PDE1C: variants seen among roughly 807,000 people sequenced by gnomAD.
The protein encoded by PDE1C is phosphodiesterase 1C.
In PDE1C, 62 loss-of-function variants were observed where a neutral mutation model predicts 93.1. That is an observed-to-expected ratio of 0.67 (90% CI 0.54 to 0.82). The LOEUF (loss-of-function observed/expected upper bound fraction) is 0.82. PDE1C is among the 40% of genes least tolerant of loss of function. PDE1C has a pLI of 0.00. For synonymous variants in PDE1C, 325 were observed against 310.1 expected (o/e 1.05, Z -0.50); for missense variants, 742 against 884.6 (o/e 0.84, Z 2.04).
intron 2 of PDE1C, among the ~76,000 whole-genome samples, chr7:31,963,340 G>GTTTA (rs919574886): frequency 6.6e-6 from 1 of 152,098 alleles, no homozygotes; most frequent in African/African-American, 2.4e-5. Context: ...CTGCTTGTTT[G>GTTTA]TTTATATACT....
At chr7:32,425,865 C>T (rs934558383) in intron 1 of PDE1C, among the ~76,000 whole-genome samples, 2 of 152,044 alleles carry the variant, frequency 1.3e-5, no homozygotes, top group African/African-American at 4.8e-5. Context: ...TGCTTGAGCC[C>T]AGGAGGTTGA....
At chr7:31,698,034 G>A in the PDE1C span, among the ~76,000 whole-genome samples, 1 of 152,190 alleles carries the variant, frequency 6.6e-6, no homozygotes, top group Admixed American at 6.5e-5. Flanking sequence ...ACACTAAAAT[G>A]TGGCAGAATT....
chr7:32,152,975 A>G (rs894927041), intron 3 of PDE1C, among the ~76,000 whole-genome samples: 4 of 152,212 alleles, frequency 2.6e-5, no homozygotes, highest in African/African-American at 9.7e-5. Context: ...AGCAGTCTAC[A>G]GGGCATGCAT....
rs146466229 is a variant in PDE1C at position 32,043,428 on chromosome 7, T to C, written c.128+8126A>G. 1.5e-4 allele frequency among the ~76,000 whole-genome samples: 23 copies of C among 152,314 alleles called. No individual in the cohort carries two copies. In the East Asian group the frequency reaches 4.4e-3, roughly 29 times the overall value. ...GGACATAACTTTTGAAGCACCCTGA[T>C]ATGCCTGGGCATAAGTGCTATTGAC... On this transcript the variant is annotated intron_variant, in intron 2 of 17. Transcript: ENST00000396191.
At chr7:31,903,166 G>A (rs1800190840) in intron 2 of PDE1C, among the ~76,000 whole-genome samples, 1 of 151,740 alleles carries the variant, frequency 6.6e-6, no homozygotes, top group Non-Finnish European at 1.5e-5. Flanking sequence ...TATTTCTAAT[G>A]AAAATATTAA....
At chr7:31,796,426 T>C (rs981289487) in intron 16 of PDE1C, among the ~76,000 whole-genome samples, 1 of 151,656 alleles carries the variant, frequency 6.6e-6, no homozygotes, top group African/African-American at 2.4e-5. Context: ...TGTTCCTTTA[T>C]AATTCCTTTA....
chr7:31,947,304 G>A (rs1009042557), intron 2 of PDE1C, among the ~76,000 whole-genome samples: 4 of 152,150 alleles, frequency 2.6e-5, no homozygotes, highest in African/African-American at 9.7e-5. Flanking sequence ...TGACTTAAAT[G>A]TTAATCTCAT....
intron 2 of PDE1C, among the ~76,000 whole-genome samples, chr7:32,024,101 A>G (rs567420628): frequency 1.2e-4 from 18 of 152,244 alleles, no homozygotes; most frequent in African/African-American, 4.3e-4. Context: ...GTCAATTTAT[A>G]TCAGGATGTG....
rs78413653 is a variant in PDE1C, at chr7:31,759,035, CA to C, written c.1961-5483del. 0.018 allele frequency among the ~76,000 whole-genome samples: 2,776 copies of C among 152,284 alleles called. 122 individuals carry two copies. The East Asian group carries it at 0.19, about 10-fold the overall frequency. On this transcript the variant is annotated intron_variant, in intron 17 of 17. Transcript: ENST00000396191. ...CAAAACCTCTCCTTGCCACTGGAGT[CA>C]CTGCAAATAGAGTTGAACCTGCTGA...
intron 11 of PDE1C, among the ~76,000 whole-genome samples, chr7:31,835,542 G>GTGTGTA (rs1167587948): frequency 6.6e-6 from 1 of 152,000 alleles, no homozygotes; most frequent in African/African-American, 2.4e-5. Flanking sequence ...GTGTGTGTGT[G>GTGTGTA]TGTGTGTGTG....
At chr7:31,999,132 G>A (rs902890710) in intron 2 of PDE1C, among the ~76,000 whole-genome samples, 3 of 152,138 alleles carry the variant, frequency 2.0e-5, no homozygotes, top group Non-Finnish European at 4.4e-5. Context: ...TGCTCACTGT[G>A]TACCGGGCAC....
intron 17 of PDE1C, among the ~76,000 whole-genome samples, chr7:31,771,208 C>G (rs1795468820): frequency 6.6e-6 from 1 of 152,220 alleles, no homozygotes; most frequent in South Asian, 2.1e-4. Context: ...GTGGTACACT[C>G]TGCTACTGGC....
At chr7:31,648,608 C>T in the PDE1C span, among the ~76,000 whole-genome samples, 1 of 152,132 alleles carries the variant, frequency 6.6e-6, no homozygotes, top group Admixed American at 6.5e-5. Context: ...AAGGCTACCC[C>T]AAAATAACTA....
At chr7:31,722,339 T>G in the PDE1C span, among the ~76,000 whole-genome samples, 2 of 152,134 alleles carry the variant, frequency 1.3e-5, no homozygotes, top group Non-Finnish European at 2.9e-5. Flanking sequence ...AGTTCTATGT[T>G]CTCCTGATAT....
At chr7:31,934,763 A>C (rs759080181) in intron 2 of PDE1C, among the ~76,000 whole-genome samples, 1 of 152,176 alleles carries the variant, frequency 6.6e-6, no homozygotes, top group Non-Finnish European at 1.5e-5. Context: ...ACTCAAGGTC[A>C]GTTGGAGCAC....
At chr7:32,139,135 A>G (rs928614049) in intron 3 of PDE1C, among the ~76,000 whole-genome samples, 6 of 151,934 alleles carry the variant, frequency 3.9e-5, no homozygotes, top group Non-Finnish European at 7.4e-5. Context: ...AAGAGGGAGT[A>G]ATCAATCTTT....
At chr7:32,036,806 T>G (rs1791159323) in intron 2 of PDE1C, among the ~76,000 whole-genome samples, 1 of 152,140 alleles carries the variant, frequency 6.6e-6, no homozygotes, top group South Asian at 2.1e-4. Flanking sequence ...GTTATCCACA[T>G]GTAGCTCCAG....
the PDE1C span, among the ~76,000 whole-genome samples, chr7:31,619,632 A>G: frequency 6.6e-6 from 1 of 152,106 alleles, no homozygotes; most frequent in Non-Finnish European, 1.5e-5. Flanking sequence ...AGGAGCCAAG[A>G]TGGCCGAATA....
intron 1 of PDE1C, among the ~76,000 whole-genome samples, chr7:32,350,352 C>T (rs1387882010): frequency 6.6e-6 from 1 of 152,016 alleles, no homozygotes; most frequent in East Asian, 1.9e-4. Flanking sequence ...GTATGTAGAA[C>T]ATAAAGGGTC....
Sources: gnomAD v4.1 joint callset for allele counts (sites outside exome capture counted in the v4.1 genomes callset) on GRCh38, gnomAD v4.1.1 for gene constraint, MANE v1.5 for transcripts, NCBI Gene and HGNC (gene_info 2026-07-23, HGNC 2026-07-21) for gene names.